Variants in NOD2 observed in about 807,000 individuals in gnomAD.
The protein encoded by NOD2 is nucleotide-binding oligomerization domain-containing protein 2.
Under a neutral mutation model 90.9 loss-of-function variants are expected in NOD2, and 86 were observed. The ratio of observed to expected loss-of-function variants is 0.95; its 90% CI spans 0.79 to 1.13. The LOEUF is 1.13. Among genes scored for constraint, NOD2 ranks in the 50% most tolerant of loss-of-function variants. NOD2 has a pLI of 0.00. For missense variants in NOD2, 1,238 were observed against 1,283.8 expected, an observed-to-expected ratio of 0.96 and a Z score of 0.55; for synonymous variants, 581 against 554.6, an observed-to-expected ratio of 1.05 and a Z score of -0.67.
intron 9 of NOD2, among the ~76,000 whole-genome samples, chr16:50,724,883 A>G (rs1036053766): frequency 2.0e-5 from 3 of 152,318 alleles, no homozygotes; most frequent in Admixed American, 2.0e-4. Context: ...ACAAGAGGCC[A>G]GGAGGGGTCT....
chr16:50,710,913 G>A lies in NOD2; in HGVS notation c.921G>A (p.Arg307=). ...EFLFVFPFSC[R]QLQCMAKPLS... ...TCTTTGTCTTCCCATTCAGCTGCCG[G>A]CAGCTGCAGTGCATGGCCAAACCAC... is the stretch of plus-strand genomic sequence containing the variant. The change falls in exon 4 of 12, where the codon CGG becomes CGA. Residue 307 remains arginine, a synonymous_variant. Transcript: ENST00000647318. 6.2e-7 allele frequency: 1 copy of A among 1,614,190 alleles called. No homozygotes were observed. The highest frequency in any genetic ancestry group is 1.1e-5 in the South Asian group (1 of 91,088).
intron 10 of NOD2, among the ~76,000 whole-genome samples, chr16:50,729,510 A>G (rs977923401): frequency 6.6e-6 from 1 of 152,210 alleles, no homozygotes; most frequent in Non-Finnish European, 1.5e-5. Flanking sequence ...TCAAAAAAGA[A>G]GTGGTGTAGG....
intron 4 of NOD2, among the ~76,000 whole-genome samples, chr16:50,716,013 G>T (rs1964774801): frequency 6.6e-6 from 1 of 152,192 alleles, no homozygotes; most frequent in Non-Finnish European, 1.5e-5. Context: ...GCCCCAAGAG[G>T]AGTGGCAGAC....
chr16:50,712,057 C>T lies in NOD2; in HGVS notation c.2065C>T (p.Arg689Cys), dbSNP rs776025574. ...CARWCLARSL[R>C]KHFHSIPPAA... ...CCGCTGGTGTCTGGCCCGCAGCCTC[C>T]GCAAGCACTTCCACTCCATCCCGCC... is the stretch of plus-strand genomic sequence containing the variant. Residue 689 changes from arginine (R) to cysteine (C), a missense_variant, in exon 4 of 12, where the codon CGC becomes TGC. Physicochemically the swap from Arg to Cys is radical, Grantham distance 180. This residue lies in a region of NOD2 where 667 missense variants were observed against 688.7 expected (regional missense o/e 0.97). Transcript: ENST00000647318. 4.0e-5 allele frequency: 65 copies of T among 1,613,270 alleles called. No homozygotes were observed. The highest frequency in any genetic ancestry group is 2.7e-4 in the African/African-American group (20 of 74,946).
intron 3 of NOD2, among the ~76,000 whole-genome samples, chr16:50,709,457 T>C (rs370152851): frequency 4.6e-5 from 7 of 152,170 alleles, no homozygotes; most frequent in African/African-American, 1.7e-4. Flanking sequence ...AAAGGGGAAC[T>C]AAACTCTGAC....
In NOD2 at chr16:50,699,936, C is replaced by T; in HGVS notation, c.441C>T (p.Ile147=). Residue 147 remains isoleucine, a synonymous_variant, in exon 2 of 12, where the codon ATC becomes ATT. Coordinates refer to ENST00000647318, the MANE Select transcript of NOD2 (RefSeq NM_001370466.1). ...AATGTGATGAAATCAGGTTGCCGAT[C>T]TTCACACCGTCCCAGAGGGTGAGGC... ...QYECDEIRLP[I]FTPSQRARRL... 1 of 1,608,568 alleles carries T rather than the reference C, an allele frequency of 6.2e-7. No homozygotes were observed. Among genetic ancestry groups the T allele is most frequent in the Non-Finnish European group, 8.5e-7 (1 of 1,179,942 alleles).
chr16:50,707,703 C>A, intron 2 of NOD2, 152 bp from the exon 3 acceptor site: 1 of 692,502 alleles, frequency 1.4e-6, no homozygotes, highest in South Asian at 1.5e-5. Context: ...ACTGTATTAA[C>A]TACTTGAAAC....
chr16:50,711,230 C>T lies in NOD2; in HGVS notation c.1238C>T (p.Thr413Ile), dbSNP rs1443384717. The stretch of plus-strand genomic sequence containing the variant: ...GCGTTCCTCAGGAAGTACATCCGCA[C>T]CGAGTTCAACCTCAAGGGCTTCTCT... ...VSAFLRKYIR[T>I]EFNLKGFSEQ... The change falls in exon 4 of 12, where the codon ACC (threonine) becomes ATC (isoleucine). Residue 413 changes from threonine to isoleucine, a missense_variant. Around this residue, in one of 3 missense-constraint regions of NOD2, gnomAD observed 567 missense variants for 577.3 expected, o/e 0.98. Coordinates refer to ENST00000647318, the MANE Select transcript of NOD2 (RefSeq NM_001370466.1). 3 of 1,614,040 alleles carry T rather than the reference C, an allele frequency of 1.9e-6. No homozygotes were observed. The highest frequency in any genetic ancestry group is 2.2e-5 in the East Asian group (1 of 44,880).
rs138142895 is a variant in NOD2, at chr16:50,713,924, C to T, written c.2381+1551C>T. 2.4e-3 allele frequency among the ~76,000 whole-genome samples: 370 copies of T among 152,158 alleles called. 3 individuals are homozygous for T. Among genetic ancestry groups the T allele is most frequent in the South Asian group, 0.012 (60 of 4,810 alleles). On this transcript the variant is annotated intron_variant, in intron 4 of 11. Coordinates refer to ENST00000647318, the MANE Select transcript of NOD2 (RefSeq NM_001370466.1). ...GCATCAGCCTCCCAGGAGCCAGGGACGGGTAGAGAAGGGGGAGAGTGGATC... is the reference window on the plus strand; with the variant it reads ...GCATCAGCCTCCCAGGAGCCAGGGATGGGTAGAGAAGGGGGAGAGTGGATC...
At position 50,697,566 on chromosome 16, in the gene NOD2, A is replaced by G. The variant is rs1213476626; in HGVS notation, c.-8-1922A>G. On this transcript the variant is annotated intron_variant, in intron 1 of 11. Coordinates refer to ENST00000647318, the MANE Select transcript of NOD2 (RefSeq NM_001370466.1). ...CACTCCAGGGCCAAGCCCAGAGCTT[A>G]TTCTACCCTTTTTTGTCCTCTCTTC... The G allele has an allele frequency of 6.9e-6, 4 of 577,960 alleles. No homozygotes were observed. In the Admixed American group the frequency reaches 8.3e-5, roughly 12 times the overall value. The allele number at this position is 577,960 out of a possible 1,614,324, so 35.8% of individuals were successfully genotyped here. A position where few individuals can be genotyped will look rare whatever the true frequency, so the allele number is the denominator to read the frequency against.
At chr16:50,709,049 AT>A (rs376056823) in intron 3 of NOD2, among the ~76,000 whole-genome samples, 28 of 150,284 alleles carry the variant, frequency 1.9e-4, no homozygotes, top group Admixed American at 6.6e-4. Context: ...ATAAAATGAC[AT>A]TTTTTTTTTC....
At position 50,711,962 on chromosome 16, in the gene NOD2, G is replaced by A. The variant is rs114664276; in HGVS notation, c.1970G>A (p.Arg657Gln). The A allele has an allele frequency of 2.6e-4, 418 of 1,613,144 alleles. 1 individual carries two copies. The African/African-American group carries it at 4.1e-3, about 16-fold the overall frequency. The change falls in exon 4 of 12, where the codon CGG becomes CAG. Residue 657 changes from arginine to glutamine, a missense_variant. Physicochemically the swap from Arg to Gln is conservative, Grantham distance 43. This residue lies in a region of NOD2 where 667 missense variants were observed against 688.7 expected (regional missense o/e 0.97). Coordinates refer to ENST00000647318, the MANE Select transcript of NOD2 (RefSeq NM_001370466.1). ...GCCTTCCTGGCAGGGCTGTTGTCCC[G>A]GGAGCACTGGGGCCTGCTGGCTGAG... ...TAAFLAGLLS[R>Q]EHWGLLAECQ... is the part of the protein sequence containing the mutation.
At chr16:50,725,365 G>A in intron 9 of NOD2, 124 bp from the exon 10 acceptor site, 1 of 745,118 alleles carries the variant, frequency 1.3e-6, no homozygotes. Flanking sequence ...TACTTTATCT[G>A]TTCTTTCTTT....
Position 50,711,010 on chromosome 16 carries a change from C to T in NOD2, c.1018C>T (p.Leu340Phe), listed in dbSNP as rs1964451943. 1.9e-6 allele frequency: 3 copies of T among 1,614,116 alleles called. No homozygotes were observed. The highest frequency in any genetic ancestry group is 2.5e-6 in the Non-Finnish European group (3 of 1,180,058). Residue 340 changes from leucine (L) to phenylalanine (F), a missense_variant, in exon 4 of 12, where the codon CTC (leucine) becomes TTC (phenylalanine). Coordinates refer to ENST00000647318, the MANE Select transcript of NOD2 (RefSeq NM_001370466.1). ...TGGTCAAGAAGACATCTTCCAGTTACTCCTTGACCACCCTGACCGTGTCCT... is the reference window on the plus strand; with the variant it reads ...TGGTCAAGAAGACATCTTCCAGTTATTCCTTGACCACCCTGACCGTGTCCT... ...DVGQEDIFQL[L>F]LDHPDRVLLT...
chr16:50,729,608 T>C (rs1038592238), intron 10 of NOD2, among the ~76,000 whole-genome samples: 2 of 152,170 alleles, frequency 1.3e-5, no homozygotes, highest in Admixed American at 6.5e-5. Flanking sequence ...GATAAACTCA[T>C]CTAGTGAATG....
At chr16:50,719,247 T>C (rs1274175620) in intron 6 of NOD2, among the ~76,000 whole-genome samples, 2 of 152,156 alleles carry the variant, frequency 1.3e-5, no homozygotes, top group Non-Finnish European at 2.9e-5. Context: ...ATATCTGCCT[T>C]ATAGGATTGT....
At chr16:50,714,884 G>A (rs530593911) in intron 4 of NOD2, among the ~76,000 whole-genome samples, 66 of 152,240 alleles carry the variant, frequency 4.3e-4, no homozygotes, top group African/African-American at 1.5e-3. Context: ...CACAATGATT[G>A]AGAAAGAGAG....
intron 2 of NOD2, among the ~76,000 whole-genome samples, chr16:50,705,588 G>T (rs556726360): frequency 1.3e-5 from 2 of 152,210 alleles, no homozygotes; most frequent in African/African-American, 4.8e-5. Flanking sequence ...CCTTTTGCCT[G>T]GGGATAAACC....
chr16:50,709,116 C>A (rs1178041797), intron 3 of NOD2, among the ~76,000 whole-genome samples: 1 of 151,718 alleles, frequency 6.6e-6, no homozygotes, highest in Non-Finnish European at 1.5e-5. Flanking sequence ...GAAATCAGGT[C>A]GGAAGAGGAA....
Sources: gnomAD v4.1 joint callset for allele counts (sites outside exome capture counted in the v4.1 genomes callset) on GRCh38, gnomAD v4.1.1 for gene constraint, gnomAD v4.1.1 regional missense constraint, MANE v1.5 for transcripts, NCBI Gene and HGNC (gene_info 2026-07-23, HGNC 2026-07-21) for gene names.